Variants in MAGI1 observed in about 807,000 individuals in gnomAD.
MAGI1 encodes membrane associated guanylate kinase, WW and PDZ domain containing 1.
A neutral mutation model predicts 139.9 loss-of-function variants in MAGI1; 58 were observed. The ratio of observed to expected loss-of-function variants is 0.41; its 90% CI spans 0.34 to 0.52. The LOEUF (loss-of-function observed/expected upper bound fraction) is 0.52, where lower values mean the gene tolerates loss of function less well. Among genes scored for constraint, MAGI1 ranks in the 20% least tolerant of loss-of-function variants. MAGI1 has a pLI of 0.12. For synonymous variants in MAGI1, 812 were observed against 737.9 expected (o/e 1.10, Z -1.63); for missense variants, 1,874 against 1,901.6 (o/e 0.99, Z 0.27).
chr3:65,630,759 G>A (rs978883917), intron 1 of MAGI1, among the ~76,000 whole-genome samples: 12 of 152,266 alleles, frequency 7.9e-5, no homozygotes, highest in Admixed American at 5.2e-4. Flanking sequence ...ACTGGGTGCC[G>A]TGTGCACTGC....
At chr3:65,537,243 T>G (rs189339569) in intron 2 of MAGI1, among the ~76,000 whole-genome samples, 139 of 152,174 alleles carry the variant, frequency 9.1e-4, no homozygotes, top group Admixed American at 2.5e-3. Flanking sequence ...AGCTATTACC[T>G]CTCCCTATGA....
intron 1 of MAGI1, among the ~76,000 whole-genome samples, chr3:65,763,594 C>T (rs2037215225): frequency 6.6e-6 from 1 of 151,970 alleles, no homozygotes; most frequent in Non-Finnish European, 1.5e-5. Context: ...AATAATGTTC[C>T]CAAGTCACAA....
chr3:65,738,251 T>C (rs1044244548), intron 1 of MAGI1, among the ~76,000 whole-genome samples: 2 of 152,218 alleles, frequency 1.3e-5, no homozygotes, highest in Non-Finnish European at 2.9e-5. Context: ...CCAGCACATA[T>C]AAAAGTTATA....
chr3:65,617,968 C>G (rs1018925202), intron 2 of MAGI1, among the ~76,000 whole-genome samples: 2 of 152,050 alleles, frequency 1.3e-5, no homozygotes, highest in African/African-American at 2.4e-5. Context: ...AGGCACAAAA[C>G]AGGCATGAAG....
intron 1 of MAGI1, among the ~76,000 whole-genome samples, chr3:65,940,855 C>T (rs116165379): frequency 0.012 from 1,793 of 152,244 alleles, 16 homozygotes; most frequent in Middle Eastern, 0.027. Context: ...TCTCTCAACT[C>T]CTCACAAACC....
At chr3:65,971,223 T>C (rs1198988103) in intron 1 of MAGI1, among the ~76,000 whole-genome samples, 3 of 152,118 alleles carry the variant, frequency 2.0e-5, no homozygotes, top group Admixed American at 2.0e-4. Context: ...AATAAAACCA[T>C]GAACTATGAC....
At chr3:65,782,288 T>C (rs1020703930) in intron 1 of MAGI1, among the ~76,000 whole-genome samples, 22 of 152,098 alleles carry the variant, frequency 1.4e-4, no homozygotes, top group African/African-American at 5.3e-4. Context: ...TGTAGATGAA[T>C]GGCACAGAAG....
chr3:65,450,294 G>A (rs143603455), intron 6 of MAGI1, among the ~76,000 whole-genome samples: 5 of 152,136 alleles, frequency 3.3e-5, no homozygotes, highest in Admixed American at 6.6e-5. Context: ...AGATTTCTCC[G>A]AGTACAACAT....
intron 1 of MAGI1, among the ~76,000 whole-genome samples, chr3:65,919,433 C>T (rs908745220): frequency 2.0e-5 from 3 of 151,618 alleles, no homozygotes; most frequent in Admixed American, 6.6e-5. Flanking sequence ...GAGTGGCGCA[C>T]GCTCCTGTGG....
intron 1 of MAGI1, among the ~76,000 whole-genome samples, chr3:65,878,568 A>G (rs2060208523): frequency 6.6e-6 from 1 of 152,166 alleles, no homozygotes; most frequent in Non-Finnish European, 1.5e-5. Context: ...GCCAAAATAA[A>G]GAAAAAATAA....
chr3:65,998,080 G>T (rs1432030753), intron 1 of MAGI1, among the ~76,000 whole-genome samples: 3 of 150,948 alleles, frequency 2.0e-5, no homozygotes, highest in African/African-American at 7.3e-5. Flanking sequence ...TCCAGCCTGG[G>T]CGACAGAGCT....
At chr3:65,626,393 TGGCTCACAGTAGCCTTGACCTTTTA>T (rs1481804107) in intron 1 of MAGI1, among the ~76,000 whole-genome samples, 21 of 152,324 alleles carry the variant, frequency 1.4e-4, no homozygotes, top group African/African-American at 4.8e-4. Flanking sequence ...GGTGTGATCA[TGGCTCACAGTAGCCTTGACCTTTTA>T]GGCTCAAGCA....
intron 1 of MAGI1, among the ~76,000 whole-genome samples, chr3:65,761,435 C>G (rs988741570): frequency 6.6e-6 from 1 of 152,136 alleles, no homozygotes; most frequent in Non-Finnish European, 1.5e-5. Context: ...CCAGTCTTGT[C>G]AAGTAAGGAC....
chr3:65,512,576 A>G (rs957309432), intron 2 of MAGI1, among the ~76,000 whole-genome samples: 3 of 152,190 alleles, frequency 2.0e-5, no homozygotes, highest in East Asian at 1.9e-4. Flanking sequence ...TAAATTCCTC[A>G]ACACATACAC....
At chr3:65,764,009 T>C (rs1378983902) in intron 1 of MAGI1, among the ~76,000 whole-genome samples, 1 of 150,340 alleles carries the variant, frequency 6.7e-6, no homozygotes, top group African/African-American at 2.4e-5. Context: ...GAGGTGGAGG[T>C]TGCAGTGAGC....
At chr3:65,891,216 A>AC (rs2060731979) in intron 1 of MAGI1, among the ~76,000 whole-genome samples, 1 of 111,206 alleles carries the variant, frequency 9.0e-6, no homozygotes, top group Admixed American at 8.1e-5. Flanking sequence ...AAACACACAC[A>AC]AAAAAAAAAA....
At chr3:65,547,231 T>A (rs184975091) in intron 2 of MAGI1, among the ~76,000 whole-genome samples, 6 of 152,330 alleles carry the variant, frequency 3.9e-5, no homozygotes, top group Admixed American at 3.3e-4. Context: ...GAAAGCTGAC[T>A]CTTACAGTGG....
intron 1 of MAGI1, among the ~76,000 whole-genome samples, chr3:65,959,589 C>T (rs924025074): frequency 7.4e-5 from 11 of 147,864 alleles, no homozygotes; most frequent in African/African-American, 2.5e-4. Context: ...CATGGGCCAC[C>T]ATCCCAGCAT....
chr3:65,383,210 G>C (rs1317303972), intron 15 of MAGI1, among the ~76,000 whole-genome samples: 1 of 152,148 alleles, frequency 6.6e-6, no homozygotes, highest in African/African-American at 2.4e-5. Context: ...TGGCCAGAAG[G>C]ACCAGGCCAC....
Sources: gnomAD v4.1 joint callset for allele counts (sites outside exome capture counted in the v4.1 genomes callset) on GRCh38, gnomAD v4.1.1 for gene constraint, MANE v1.5 for transcripts, NCBI Gene and HGNC (gene_info 2026-07-23, HGNC 2026-07-21) for gene names.